Variants in PCID2 observed in about 807,000 individuals in gnomAD.
PCID2 encodes the protein PCI domain-containing protein 2.
PCID2 carries 41 observed loss-of-function variants against 61.3 expected under a neutral mutation model. That is an observed-to-expected ratio of 0.67 (90% confidence interval 0.52 to 0.87). PCID2 has a LOEUF of 0.87. Ranked by LOEUF, PCID2 falls within the 40% of genes least tolerant of loss-of-function variation. The pLI is 0.00. For missense variants in PCID2, 392 were observed against 493.4 expected (o/e 0.79, Z 1.95); for synonymous variants, 187 against 177.8 (o/e 1.05, Z -0.41).
chr13:113,167,325 C>T, the PCID2 span, among the ~76,000 whole-genome samples: 1 of 152,168 alleles, frequency 6.6e-6, no homozygotes, highest in Non-Finnish European at 1.5e-5. Flanking sequence ...CAAGTGGCAG[C>T]TATTATTCAT....
chr13:113,200,007 C>T (rs1021620810), intron 2 of PCID2, among the ~76,000 whole-genome samples: 1 of 152,210 alleles, frequency 6.6e-6, no homozygotes, highest in Non-Finnish European at 1.5e-5. Flanking sequence ...ATCATCTACG[C>T]CACAGATGAC....
chr13:113,189,719 G>GGA (rs1555402962), intron 7 of PCID2, among the ~76,000 whole-genome samples: 3 of 141,370 alleles, frequency 2.1e-5, no homozygotes, highest in African/African-American at 7.9e-5. Context: ...TGAAGGAGAG[G>GGA]AAAAAAAAAA....
chr13:113,195,424 C>T (rs1191011312), intron 5 of PCID2, among the ~76,000 whole-genome samples: 2 of 152,208 alleles, frequency 1.3e-5, no homozygotes, highest in Non-Finnish European at 2.9e-5. Context: ...CTCAGCTTCC[C>T]ACCAGTATCC....
At chr13:113,199,682 G>A (rs2039274082) in intron 2 of PCID2, among the ~76,000 whole-genome samples, 2 of 152,210 alleles carry the variant, frequency 1.3e-5, no homozygotes, top group Admixed American at 1.3e-4. Context: ...GCAAGCCTGA[G>A]TCTCATCGAG....
chr13:113,197,677 T>G (rs1433750384), intron 3 of PCID2, among the ~76,000 whole-genome samples: 1 of 152,230 alleles, frequency 6.6e-6, no homozygotes, highest in Non-Finnish European at 1.5e-5. Context: ...CCAAAGACCC[T>G]GTGGGGTTCA....
At chr13:113,165,155 G>A in the PCID2 span, 1 of 1,578,274 alleles carries the variant, frequency 6.3e-7, no homozygotes, top group Admixed American at 1.7e-5. Context: ...TCAATTTATT[G>A]TTATGACTTT....
At chr13:113,207,914 C>G in intron 1 of PCID2, 1 of 951,840 alleles carries the variant, frequency 1.1e-6, no homozygotes, top group Non-Finnish European at 1.7e-6. Flanking sequence ...CCTATATTTC[C>G]TATCCCTGTT....
chr13:113,200,304 T>A lies in PCID2; in HGVS notation c.126+123A>T, dbSNP rs527296374. The stretch of plus-strand genomic sequence containing the variant: ...AATTACATAAATCATAAAGAAACTT[T>A]AAAATTTTCAAATAAGAGTGACAAT... On this transcript the variant is annotated intron_variant, in intron 2 of 13. Coordinates refer to ENST00000337344, the MANE Select transcript of PCID2 (RefSeq NM_001127202.4). 8.9e-5 allele frequency: 58 copies of A among 653,336 alleles called. No homozygotes were observed. The East Asian group carries it at 1.5e-3, about 17-fold the overall frequency. The allele number at this position is 653,336 out of a possible 1,614,324, so 40.5% of individuals were successfully genotyped here.
intron 1 of PCID2, among the ~76,000 whole-genome samples, chr13:113,207,174 T>C (rs1395409184): frequency 6.6e-6 from 1 of 152,234 alleles, no homozygotes; most frequent in African/African-American, 2.4e-5. Flanking sequence ...CATATCCAGA[T>C]GTGTTTGTTC....
the PCID2 span, chr13:113,171,470 T>A: frequency 8.2e-7 from 1 of 1,224,898 alleles, no homozygotes; most frequent in Non-Finnish European, 1.2e-6. This position sits in a 1 kb window ranked among gnomAD's most constrained non-coding sequence, Gnocchi z 5.1. Flanking sequence ...CACGGGGCGG[T>A]GAGCCTGCGG....
downstream of PCID2, among the ~76,000 whole-genome samples, chr13:113,176,528 G>T (rs1259500784): frequency 1.3e-5 from 2 of 152,262 alleles, no homozygotes; most frequent in Non-Finnish European, 2.9e-5. Flanking sequence ...TTGGGAGGCC[G>T]AGGTGGGGGA....
chr13:113,166,018 G>A, the PCID2 span: 4 of 152,084 alleles, frequency 2.6e-5, no homozygotes, highest in Admixed American at 6.5e-5. Flanking sequence ...TAGATATTAC[G>A]ATTTTTGTTA....
At position 113,208,416 on chromosome 13, in the gene PCID2, C is replaced by A. The variant is rs932546728; in HGVS notation, c.36+183G>T. On this transcript the variant is annotated intron_variant, in intron 1 of 13. Transcript: ENST00000337344. The stretch of plus-strand genomic sequence containing the variant: ...CACGGCGGCCCTGCAGGGGAGAACT[C>A]GGGCCGCCTTCCCGAGTCCCGGCCG... The A allele has an allele frequency of 2.0e-6, 3 of 1,485,040 alleles. No homozygotes were observed. The South Asian group carries it at 4.0e-5, about 20-fold the overall frequency. The allele number at this position is 1,485,040 out of a possible 1,614,324, so 92.0% of individuals were successfully genotyped here.
chr13:113,184,028 T>G (rs933201371), intron 9 of PCID2: 16 of 984,324 alleles, frequency 1.6e-5, no homozygotes, highest in Non-Finnish European at 1.7e-5. Context: ...ATAACCAGCA[T>G]CTATTACAGG....
At chr13:113,172,150 A>T in the PCID2 span, 1 of 1,603,674 alleles carries the variant, frequency 6.2e-7, no homozygotes, top group Non-Finnish European at 8.5e-7. Flanking sequence ...CGGAAGCGGG[A>T]TTCCAAGCTG....
At chr13:113,172,405 C>A in the PCID2 span, 1 of 407,476 alleles carries the variant, frequency 2.5e-6, no homozygotes, top group Middle Eastern at 7.8e-4. Context: ...TCCAGAAATT[C>A]TTTCCTTCTC....
At chr13:113,207,105 G>C (rs1200460143) in intron 1 of PCID2, among the ~76,000 whole-genome samples, 1 of 152,218 alleles carries the variant, frequency 6.6e-6, no homozygotes. Context: ...ACGACTTTCA[G>C]CAAGTAGGCT....
At chr13:113,192,781 AAATGGTCTGC>A (rs2038722087) in intron 6 of PCID2, among the ~76,000 whole-genome samples, 1 of 152,156 alleles carries the variant, frequency 6.6e-6, no homozygotes. Context: ...AATATACTCC[AAATGGTCTGC>A]TATGGTCTGA....
downstream of PCID2, among the ~76,000 whole-genome samples, chr13:113,175,583 A>T (rs2037172778): frequency 6.6e-6 from 1 of 152,240 alleles, no homozygotes; most frequent in South Asian, 2.1e-4. Flanking sequence ...GCTAGAAAAC[A>T]GATGCGCGCC....
Sources: allele counts gnomAD v4.1 joint callset (sites outside exome capture counted in the v4.1 genomes callset), GRCh38; gene constraint gnomAD v4.1.1; non-coding constraint Gnocchi (gnomAD v3.1); transcripts MANE v1.5; gene names NCBI Gene and HGNC (gene_info 2026-07-23, HGNC 2026-07-21).